Variants in GON4L observed in about 807,000 individuals in gnomAD.
GON4L encodes the protein gon-4 like, also known as GON-4-like protein.
Under a neutral mutation model 211.8 loss-of-function variants are expected in GON4L, and 87 were observed. The observed-to-expected ratio is 0.41, with a 90% CI of 0.35 to 0.49. The LOEUF is 0.49. Among genes scored for constraint, GON4L ranks in the 20% least tolerant of loss-of-function variants. The pLI is 0.15. For missense variants in GON4L, 2,155 were observed against 2,659.5 expected, an observed-to-expected ratio of 0.81 and a Z score of 4.17; for synonymous variants, 875 against 962.6, an observed-to-expected ratio of 0.91 and a Z score of 1.68.
chr1:155,812,104 T>A (rs1315737542), intron 10 of GON4L, among the ~76,000 whole-genome samples: 3 of 151,784 alleles, frequency 2.0e-5, no homozygotes, highest in Admixed American at 2.0e-4. Context: ...CCCCACATGA[T>A]ATATACTAAT....
chr1:155,803,244 T>C (rs1335674693), intron 11 of GON4L, among the ~76,000 whole-genome samples: 1 of 151,962 alleles, frequency 6.6e-6, no homozygotes, highest in African/African-American at 2.4e-5. Context: ...TCTATTTCTT[T>C]TTCTTTTTTT....
Position 155,853,504 on chromosome 1 carries a change from C to G in GON4L, c.277G>C (p.Glu93Gln). The stretch of plus-strand genomic sequence containing the variant: ...TGAGAGATGGCCACATCAACACCTT[C>G]TAGAATTGGTACATTTGTGTTCTGG... ...LTQNTNVPIL[E>Q]GVDVAISQGI... Residue 93 changes from glutamate (E) to glutamine (Q), a missense_variant, in exon 2 of 32, where the codon GAA becomes CAA. Glu to Gln is a conservative substitution (Grantham distance 29, BLOSUM62 2). This residue lies in a region of GON4L where 313 missense variants were observed against 293.2 expected (regional missense o/e 1.07). Coordinates refer to ENST00000368331, the MANE Select transcript of GON4L (RefSeq NM_001282860.2). 2 of 1,614,204 alleles carry G rather than the reference C, an allele frequency of 1.2e-6. No homozygotes were observed. Among genetic ancestry groups the G allele is most frequent in the Non-Finnish European group, 1.7e-6 (2 of 1,180,014 alleles).
intron 10 of GON4L, among the ~76,000 whole-genome samples, chr1:155,811,561 G>C (rs1221019794): frequency 6.6e-6 from 1 of 150,854 alleles, no homozygotes; most frequent in African/African-American, 2.4e-5. Flanking sequence ...TTCGAGACCA[G>C]CCTGGCCAAT....
chr1:155,826,704 G>A, intron 3 of GON4L, 133 bp downstream of exon 3: 1 of 672,658 alleles, frequency 1.5e-6, no homozygotes, highest in Non-Finnish European at 2.6e-6. Context: ...CTTGATCTGG[G>A]TCCTGCTTAC....
rs1428985456 is a variant in GON4L, at chr1:155,776,313, T to C, written c.2178+82A>G. The C allele has an allele frequency of 9.3e-6, 9 of 967,348 alleles. No individual in the cohort carries two copies. The East Asian group carries it at 1.7e-4, about 18-fold the overall frequency. The allele number at this position is 967,348 out of a possible 1,614,324, so 59.9% of individuals were successfully genotyped here. A position where few individuals can be genotyped will look rare whatever the true frequency, so the allele number is the denominator to read the frequency against. On this transcript the variant is annotated intron_variant, in intron 16 of 31. Transcript: ENST00000368331. ...CCGAGAGAAGAATAAATATAGATTA[T>C]GATCAGTGAATAACTGAGAAATAAC...
At chr1:155,777,155 A>G (rs1360250050) in intron 15 of GON4L, among the ~76,000 whole-genome samples, 1 of 152,224 alleles carries the variant, frequency 6.6e-6, no homozygotes, top group Non-Finnish European at 1.5e-5. Context: ...TTGAGCCATA[A>G]GGCATGAACA....
chr1:155,768,926 G>A (rs1287969415), intron 19 of GON4L, among the ~76,000 whole-genome samples: 2 of 152,042 alleles, frequency 1.3e-5, no homozygotes, highest in South Asian at 2.1e-4. Flanking sequence ...TTTCCTTCAC[G>A]TTTGAGTTGT....
chr1:155,762,519 C>A (rs1661923083), intron 22 of GON4L, 145 bp from the exon 23 acceptor site: 2 of 660,196 alleles, frequency 3.0e-6, no homozygotes, highest in Non-Finnish European at 5.1e-6. Flanking sequence ...GGTATGAGAA[C>A]TAAGTCCGTC....
intron 3 of GON4L, 40 bp from the exon 4 acceptor site, chr1:155,822,516 G>C: frequency 3.4e-6 from 5 of 1,492,332 alleles, no homozygotes; most frequent in South Asian, 1.1e-5. Flanking sequence ...TTCCAAAATA[G>C]CTGCTCCAGG....
intron 14 of GON4L, among the ~76,000 whole-genome samples, chr1:155,783,547 G>A (rs2101898390): frequency 6.6e-6 from 1 of 152,354 alleles, no homozygotes; most frequent in South Asian, 2.1e-4. Context: ...GTATGTTTCA[G>A]ACTCCTTACT....
intron 31 of GON4L, among the ~76,000 whole-genome samples, chr1:155,751,097 G>T (rs1465553290): frequency 5.3e-5 from 8 of 152,072 alleles, no homozygotes. Context: ...TAACATTTAT[G>T]AAGCACAATA....
intron 6 of GON4L, among the ~76,000 whole-genome samples, chr1:155,819,434 T>C (rs1426189083): frequency 6.6e-6 from 1 of 152,190 alleles, no homozygotes; most frequent in East Asian, 1.9e-4. Flanking sequence ...CTTTTTTTTC[T>C]AGACAAGGTC....
chr1:155,821,222 C>A (rs546199151), intron 5 of GON4L, among the ~76,000 whole-genome samples: 1 of 150,896 alleles, frequency 6.6e-6, no homozygotes, highest in South Asian at 2.1e-4. Flanking sequence ...GCCAAGATCG[C>A]GCCACTGCGC....
At chr1:155,852,184 A>T (rs1458176037) in intron 2 of GON4L, among the ~76,000 whole-genome samples, 1 of 144,868 alleles carries the variant, frequency 6.9e-6, no homozygotes. Flanking sequence ...AAAAAAAAAA[A>T]GAAGTCATCT....
chr1:155,826,177 C>T (rs1669194164), intron 3 of GON4L, among the ~76,000 whole-genome samples: 1 of 151,992 alleles, frequency 6.6e-6, no homozygotes, highest in Non-Finnish European at 1.5e-5. Flanking sequence ...CACCACTACA[C>T]TCCAGTCTGA....
At chr1:155,745,714 G>C (rs1179681781), downstream of GON4L, 1 of 892,936 alleles carries the variant, frequency 1.1e-6, no homozygotes, top group Non-Finnish European at 1.7e-6. Context: ...GAAAGGATGT[G>C]TTTGCGGACC....
chr1:155,758,382 T>C lies in GON4L; in HGVS notation c.5110-348A>G, dbSNP rs142604773. On this transcript the variant is annotated intron_variant, in intron 24 of 31. Coordinates refer to ENST00000368331, the MANE Select transcript of GON4L (RefSeq NM_001282860.2). ...CTTTCAGGCTGCACAAGGTGGCTCATAGCTGTAATCCCATGTTGGGAGGCC... is the reference window on the plus strand; with the variant it reads ...CTTTCAGGCTGCACAAGGTGGCTCACAGCTGTAATCCCATGTTGGGAGGCC... Among the ~76,000 whole-genome samples, 8 of 152,358 alleles carry C rather than the reference T, an allele frequency of 5.3e-5. No homozygotes were observed. In the East Asian group the frequency reaches 5.8e-4, roughly 11 times the overall value.
intron 2 of GON4L, among the ~76,000 whole-genome samples, chr1:155,841,706 G>A (rs1334275192): frequency 6.6e-6 from 1 of 152,158 alleles, no homozygotes; most frequent in Non-Finnish European, 1.5e-5. Flanking sequence ...GCATTGGTAT[G>A]GAACAAAATA....
At chr1:155,769,986 G>C (rs184780283) in intron 19 of GON4L, among the ~76,000 whole-genome samples, 1 of 114,998 alleles carries the variant, frequency 8.7e-6, no homozygotes, top group Non-Finnish European at 1.6e-5. Context: ...CCAAAAATTC[G>C]AGACCAGCCT....
Sources: allele counts gnomAD v4.1 joint callset (sites outside exome capture counted in the v4.1 genomes callset), GRCh38; gene constraint gnomAD v4.1.1; regional missense constraint gnomAD v4.1.1; transcripts MANE v1.5; gene names NCBI Gene and HGNC (gene_info 2026-07-23, HGNC 2026-07-21).